TANC1: variants seen among roughly 807,000 people sequenced by gnomAD.
TANC1 encodes protein TANC1.
In TANC1, 77 loss-of-function variants were observed where a neutral mutation model predicts 149.7. That is an observed-to-expected ratio of 0.51 (90% confidence interval 0.43 to 0.62). The LOEUF (loss-of-function observed/expected upper bound fraction) is 0.62, where lower values mean the gene tolerates loss of function less well. TANC1 is among the 20% of genes least tolerant of loss of function. TANC1 has a pLI of 0.00. For synonymous variants in TANC1, 854 were observed against 925.0 expected, an observed-to-expected ratio of 0.92 and a Z score of 1.39; for missense variants, 1,985 against 2,321.8, an observed-to-expected ratio of 0.85 and a Z score of 2.98.
At chr2:159,007,138 G>GTTTTTTTTTT (rs70994252) in intron 2 of TANC1, among the ~76,000 whole-genome samples, 2 of 69,516 alleles carry the variant, frequency 2.9e-5, no homozygotes, top group Non-Finnish European at 5.2e-5. Flanking sequence ...CTTTAATACT[G>GTTTTTTTTTT]TTTTTTTTTT....
At chr2:159,101,129 C>T (rs558365851) in intron 4 of TANC1, among the ~76,000 whole-genome samples, 1 of 152,236 alleles carries the variant, frequency 6.6e-6, no homozygotes, top group South Asian at 2.1e-4. Flanking sequence ...GTAAGATGCC[C>T]CCCACCCCTG....
At chr2:159,009,628 G>A (rs1350073926) in intron 2 of TANC1, among the ~76,000 whole-genome samples, 3 of 152,124 alleles carry the variant, frequency 2.0e-5, no homozygotes, top group Non-Finnish European at 4.4e-5. Context: ...CTAGAGGTTG[G>A]TTAACAGATA....
At chr2:159,123,713 G>T (rs1263760256) in intron 4 of TANC1, among the ~76,000 whole-genome samples, 2 of 152,122 alleles carry the variant, frequency 1.3e-5, no homozygotes, top group Non-Finnish European at 1.5e-5. Context: ...TTTTCTTATT[G>T]AAATATATAT....
chr2:159,197,252 C>T (rs1262034579), intron 18 of TANC1, among the ~76,000 whole-genome samples: 2 of 152,188 alleles, frequency 1.3e-5, no homozygotes, highest in African/African-American at 4.8e-5. Context: ...TTGTCATTTA[C>T]AGCTCCTCCA....
intron 2 of TANC1, among the ~76,000 whole-genome samples, chr2:159,015,363 C>G (rs1388079733): frequency 3.9e-5 from 6 of 152,172 alleles, no homozygotes; most frequent in Admixed American, 6.5e-5. Flanking sequence ...CCTAGGCTGC[C>G]CACAGCATGA....
chr2:158,989,319 A>G (rs569901830), intron 1 of TANC1, among the ~76,000 whole-genome samples: 3 of 152,224 alleles, frequency 2.0e-5, no homozygotes, highest in East Asian at 3.9e-4. Context: ...AAGTTTAGCA[A>G]TTCAGGCCAG....
chr2:158,973,033 G>A (rs1037027213), intron 1 of TANC1, among the ~76,000 whole-genome samples: 4 of 152,124 alleles, frequency 2.6e-5, no homozygotes, highest in Admixed American at 6.5e-5. Context: ...TTCTAGGGTC[G>A]GTGTTGTCTT....
At chr2:158,983,661 T>C (rs1290195288) in intron 1 of TANC1, among the ~76,000 whole-genome samples, 4 of 152,150 alleles carry the variant, frequency 2.6e-5, no homozygotes, top group Non-Finnish European at 5.9e-5. Context: ...TTTAGAACAA[T>C]ACACTTTATT....
intron 23 of TANC1, 135 bp downstream of exon 23, chr2:159,224,499 T>G (rs561584236): frequency 2.9e-5 from 28 of 972,340 alleles, no homozygotes; most frequent in Admixed American, 2.6e-4. Context: ...TGTCTCAGTC[T>G]CACTTAATCA....
chr2:159,151,078 G>A lies in TANC1; in HGVS notation c.682+522G>A, dbSNP rs1559352654. On this transcript the variant is annotated intron_variant, in intron 7 of 26. Transcript: ENST00000263635. ...CTACACCCACGTAATAAGTGTGGTTGTCCTGAAGCCTAGGAGTCAGGAGAC... is the reference window on the plus strand; with the variant it reads ...CTACACCCACGTAATAAGTGTGGTTATCCTGAAGCCTAGGAGTCAGGAGAC... 2.0e-5 allele frequency among the ~76,000 whole-genome samples: 3 copies of A among 152,192 alleles called. No homozygotes were observed. In the South Asian group the frequency reaches 6.2e-4, roughly 32 times the overall value.
In TANC1 at chr2:159,069,947, T is replaced by C. The variant is rs377607581; in HGVS notation, c.61+3976T>C. Among the ~76,000 whole-genome samples, 365 of 151,840 alleles carry C rather than the reference T, an allele frequency of 2.4e-3. 4 individuals carry two copies. Among genetic ancestry groups the C allele is most frequent in the African/African-American group, 8.4e-3 (348 of 41,378 alleles). Reference sequence around the variant, plus strand: ...TAATTTTTGTGGGGTTTTGTTGCTGTTGTTGTTTTTTTTAATAGAGATGGG... The same window carrying C: ...TAATTTTTGTGGGGTTTTGTTGCTGCTGTTGTTTTTTTTAATAGAGATGGG... On this transcript the variant is annotated intron_variant, in intron 3 of 26. Transcript: ENST00000263635.
At chr2:159,004,059 C>A (rs1267511090) in intron 2 of TANC1, 1 of 1,612,110 alleles carries the variant, frequency 6.2e-7, no homozygotes, top group African/African-American at 1.3e-5. Context: ...TTTCAACAAT[C>A]CCAAAGTCCA....
At chr2:159,218,537 G>A (rs969691912) in intron 20 of TANC1, among the ~76,000 whole-genome samples, 1 of 152,226 alleles carries the variant, frequency 6.6e-6, no homozygotes, top group African/African-American at 2.4e-5. Flanking sequence ...TCCTGTTGCT[G>A]CGGCCATGTA....
At chr2:159,186,775 G>A (rs1320887351) in intron 15 of TANC1, 127 bp from the exon 16 acceptor site, 8 of 1,168,322 alleles carry the variant, frequency 6.8e-6, no homozygotes, top group Middle Eastern at 2.5e-4. Flanking sequence ...GTGTGACCCC[G>A]TGCCTTCTGC....
chr2:158,994,561 G>A (rs913067698), intron 1 of TANC1, among the ~76,000 whole-genome samples: 8 of 152,196 alleles, frequency 5.3e-5, no homozygotes, highest in Non-Finnish European at 1.0e-4. Context: ...GTGAGCCACC[G>A]CACCTGCCTA....
chr2:159,029,723 C>T lies in TANC1; in HGVS notation c.-16+28534C>T, dbSNP rs186802958. On this transcript the variant is annotated intron_variant, in intron 2 of 26. Coordinates refer to ENST00000263635, the MANE Select transcript of TANC1 (RefSeq NM_033394.3). The stretch of plus-strand genomic sequence containing the variant: ...AGACTATAGGTGCTTGCCACCACAC[C>T]CAGTTAATTTTAAAAATTTTGTGTA... Among the ~76,000 whole-genome samples the T allele has an allele frequency of 2.0e-3, 299 of 152,124 alleles. 3 individuals are homozygous for T. The highest frequency in any genetic ancestry group is 7.7e-4 in the East Asian group (4 of 5,168).
chr2:159,059,940 TG>T (rs1559183805), intron 2 of TANC1, among the ~76,000 whole-genome samples: 2 of 116,054 alleles, frequency 1.7e-5, no homozygotes, highest in Admixed American at 9.3e-5. Flanking sequence ...GGTTTTTTGT[TG>T]TTGTTGTTTT....
intron 1 of TANC1, among the ~76,000 whole-genome samples, chr2:158,978,169 A>C (rs1049668419): frequency 6.6e-6 from 1 of 152,160 alleles, no homozygotes; most frequent in African/African-American, 2.4e-5. Context: ...TAAAAAGAAA[A>C]CAATCTGTTT....
intron 7 of TANC1, among the ~76,000 whole-genome samples, chr2:159,151,764 C>A (rs946983878): frequency 6.6e-6 from 1 of 152,144 alleles, no homozygotes; most frequent in African/African-American, 2.4e-5. Flanking sequence ...TTAAGGAAGG[C>A]GGCTTCTTGC....
Sources: gnomAD v4.1 joint callset for allele counts (sites outside exome capture counted in the v4.1 genomes callset) on GRCh38, gnomAD v4.1.1 for gene constraint, MANE v1.5 for transcripts, NCBI Gene and HGNC (gene_info 2026-07-23, HGNC 2026-07-21) for gene names.